The following LRPPRC variants were observed in gnomAD, a reference collection of about 807,000 sequenced individuals.
LRPPRC encodes the protein leucine-rich PPR motif-containing protein, mitochondrial.
In LRPPRC, 120 loss-of-function variants were observed where a neutral mutation model predicts 180.3. The observed-to-expected ratio is 0.67, with a 90% CI of 0.57 to 0.77. The LOEUF (loss-of-function observed/expected upper bound fraction) is 0.77. Ranked by LOEUF, LRPPRC falls within the 30% of genes least tolerant of loss-of-function variation. The pLI is 0.00. For missense variants in LRPPRC, 2,012 were observed against 1,657.2 expected (o/e 1.21, Z -3.72); for synonymous variants, 723 against 600.0 (o/e 1.21, Z -3.00).
At chr2:43,959,674 G>A (rs948712768) in intron 13 of LRPPRC, among the ~76,000 whole-genome samples, 1 of 152,168 alleles carries the variant, frequency 6.6e-6, no homozygotes, top group Non-Finnish European at 1.5e-5. Context: ...GGAGGCTGAG[G>A]CAGGCGGATC....
intron 11 of LRPPRC, among the ~76,000 whole-genome samples, chr2:43,969,409 CAAAA>C (rs58376536): frequency 1.8e-5 from 2 of 113,112 alleles, no homozygotes; most frequent in Non-Finnish European, 1.9e-5. Context: ...GACTCCATCT[CAAAA>C]AAAAAAAAAA....
chr2:43,970,217 A>G (rs1160856145), intron 11 of LRPPRC, among the ~76,000 whole-genome samples: 5 of 152,210 alleles, frequency 3.3e-5, no homozygotes, highest in Non-Finnish European at 5.9e-5. Flanking sequence ...CATTTATCAG[A>G]AGGAGGAGTA....
intron 36 of LRPPRC, among the ~76,000 whole-genome samples, chr2:43,893,173 A>C (rs189254318): frequency 3.9e-5 from 6 of 152,344 alleles, no homozygotes; most frequent in Non-Finnish European, 5.9e-5. Context: ...TGACCAAAGA[A>C]AGTGGTTTCT....
rs545168845 is a variant in LRPPRC, at chr2:43,948,997, C to G, written c.1736-479G>C. 2.4e-3 allele frequency among the ~76,000 whole-genome samples: 366 copies of G among 152,162 alleles called. 1 individual carries two copies. Among genetic ancestry groups the G allele is most frequent in the Non-Finnish European group, 4.2e-3 (283 of 67,992 alleles). ...GCAGATACAGTAATCCTGTGGAGAG[C>G]TGCCTATTAGCCAATGAAAAACCAA... is the stretch of plus-strand genomic sequence containing the variant. On this transcript the variant is annotated intron_variant, in intron 16 of 37. Transcript: ENST00000260665.
At position 43,887,608 on chromosome 2, in the gene LRPPRC, T is replaced by G. The variant is rs1319523318; in HGVS notation, c.*992A>C. On this transcript the variant is annotated 3_prime_UTR_variant, in exon 38 of 38. Coordinates refer to ENST00000260665, the MANE Select transcript of LRPPRC (RefSeq NM_133259.4). The stretch of plus-strand genomic sequence containing the variant: ...AAAACATTTTCAACATTTCGGTAAT[T>G]AATTACCTCATCTCCAGTTAGGTCA... 6.6e-6 allele frequency: 1 copy of G among 152,194 alleles called. No individual in the cohort carries two copies. Among genetic ancestry groups the G allele is most frequent in the Non-Finnish European group, 1.5e-5 (1 of 68,024 alleles). 9.4% of individuals were successfully genotyped at this position (152,194 alleles called of 1,614,324 possible). A position where few individuals can be genotyped will look rare whatever the true frequency, so the allele number is the denominator to read the frequency against.
intron 34 of LRPPRC, among the ~76,000 whole-genome samples, chr2:43,898,863 T>C (rs550889482): frequency 6.6e-6 from 1 of 152,202 alleles, no homozygotes; most frequent in South Asian, 2.1e-4. Context: ...ATTTGAGAAA[T>C]TAAAGTAGAA....
Position 43,925,769 on chromosome 2 carries a change from C to T in LRPPRC, c.2805+124G>A, listed in dbSNP as rs78434094. Reference sequence around the variant, plus strand: ...AGCCATTGCTTATCTGGCAAATGATCGAGATAAACACTGCTTCCACAATGC... The same window carrying T: ...AGCCATTGCTTATCTGGCAAATGATTGAGATAAACACTGCTTCCACAATGC... On this transcript the variant is annotated intron_variant, in intron 26 of 37. Coordinates refer to ENST00000260665, the MANE Select transcript of LRPPRC (RefSeq NM_133259.4). 3.2e-3 allele frequency: 2,371 copies of T among 751,496 alleles called. 42 individuals are homozygous for T. In the African/African-American group the frequency reaches 0.035, roughly 11 times the overall value. The allele number at this position is 751,496 out of a possible 1,614,324, so 46.6% of individuals were successfully genotyped here. A position where few individuals can be genotyped will look rare whatever the true frequency, so the allele number is the denominator to read the frequency against.
chr2:43,988,408 T>C (rs1674627707), intron 1 of LRPPRC, among the ~76,000 whole-genome samples: 1 of 152,032 alleles, frequency 6.6e-6, no homozygotes, highest in Admixed American at 6.6e-5. Flanking sequence ...TGGTGGCGCA[T>C]GCCTATAATC....
Position 43,973,806 on chromosome 2 carries a change from G to A in LRPPRC, c.1250C>T (p.Ala417Val). The change falls in exon 10 of 38, where the codon GCC becomes GTC. Residue 417 changes from alanine (A) to valine (V), a missense_variant. Coordinates refer to ENST00000260665, the MANE Select transcript of LRPPRC (RefSeq NM_133259.4). ...LQFTLHCALL[A>V]NKTDLAKALM... ...TAAGAATGTAGTACCAGTTTTATTG[G>A]CGAGTAAAGCACAATGGAGGGTGAA... 1 of 1,613,012 alleles carries A rather than the reference G, an allele frequency of 6.2e-7. No homozygotes were observed. Among genetic ancestry groups the A allele is most frequent in the Non-Finnish European group, 8.5e-7 (1 of 1,179,030 alleles).
rs1446871004 is a variant in LRPPRC, at chr2:43,945,275, G to C, written c.2296+57C>G. ...GATATCCATTAATATCAATTCACAT[G>C]TTATTCCAGTGGCAAGATACTTGCA... On this transcript the variant is annotated intron_variant, in intron 22 of 37. Coordinates refer to ENST00000260665, the MANE Select transcript of LRPPRC (RefSeq NM_133259.4). 8 of 1,127,556 alleles carry C rather than the reference G, an allele frequency of 7.1e-6. 1 individual carries two copies. Among genetic ancestry groups the C allele is most frequent in the Non-Finnish European group, 1.1e-5 (8 of 737,020 alleles). The allele number at this position is 1,127,556 out of a possible 1,614,324, so 69.8% of individuals were successfully genotyped here. A position where few individuals can be genotyped will look rare whatever the true frequency, so the allele number is the denominator to read the frequency against.
rs754678956 is a variant in LRPPRC at position 43,963,708 on chromosome 2, T to TAC, written c.1370-4_1370-3dup. 12 of 1,431,980 alleles carry TAC rather than the reference T, an allele frequency of 8.4e-6. No homozygotes were observed. Among genetic ancestry groups the TAC allele is most frequent in the Admixed American group, 1.7e-5 (1 of 59,758 alleles). The allele number at this position is 1,431,980 out of a possible 1,614,324, so 88.7% of individuals were successfully genotyped here. ...TTCCTTTGAGGATTTCAATTATACC[T>TAC]ACCAAATAAAATGTAGAAGCACAGA... On this transcript the variant is annotated splice_polypyrimidine_tract_variant and splice_region_variant and intron_variant, in intron 11 of 37. Transcript: ENST00000260665.
chr2:43,984,274 A>G (rs948340498), intron 1 of LRPPRC, among the ~76,000 whole-genome samples: 36 of 152,196 alleles, frequency 2.4e-4, no homozygotes, highest in Admixed American at 2.0e-4. Context: ...AGAAATTTCA[A>G]AATTGTGAAG....
At chr2:43,963,840 A>G in intron 11 of LRPPRC, 134 bp from the exon 12 acceptor site, 1 of 729,288 alleles carries the variant, frequency 1.4e-6, no homozygotes, top group Non-Finnish European at 2.5e-6. Flanking sequence ...TCTAAAAGGC[A>G]GAAAAGAAAC....
chr2:43,889,610 G>A (rs1670409156), intron 37 of LRPPRC, 124 bp downstream of exon 37: 1 of 849,540 alleles, frequency 1.2e-6, no homozygotes, highest in South Asian at 1.4e-5. Flanking sequence ...GCCATCCCCT[G>A]AGGGCTCTTC....
chr2:43,911,149 GATATATATATAT>G (rs34332260), intron 30 of LRPPRC, among the ~76,000 whole-genome samples: 1 of 146,240 alleles, frequency 6.8e-6, no homozygotes, highest in South Asian at 2.2e-4. Flanking sequence ...GAGTGTTCTA[GATATATATATAT>G]ATATATATAA....
At chr2:43,900,384 TCTAA>T (rs1439302359) in intron 32 of LRPPRC, among the ~76,000 whole-genome samples, 2 of 152,258 alleles carry the variant, frequency 1.3e-5, no homozygotes, top group South Asian at 2.1e-4. Flanking sequence ...AACATAATTC[TCTAA>T]CTAAAAATGA....
intron 31 of LRPPRC, chr2:43,902,197 G>A (rs1310957892): frequency 2.0e-5 from 3 of 152,370 alleles, no homozygotes; most frequent in Middle Eastern, 3.4e-3. Context: ...GTAAGTTGAG[G>A]AGCATCAGTA....
chr2:43,906,282 T>C (rs966009907), intron 30 of LRPPRC, among the ~76,000 whole-genome samples: 2 of 152,250 alleles, frequency 1.3e-5, no homozygotes, highest in Non-Finnish European at 2.9e-5. Context: ...TTCTGCCATC[T>C]AGATTCATAC....
rs6721144 is a variant in LRPPRC, at chr2:43,977,408, G to C, written c.470-132C>G. The C allele has an allele frequency of 0.15, 104,811 of 684,328 alleles. 9,888 individuals carry two copies. The highest frequency in any genetic ancestry group is 0.34 in the African/African-American group (19,273 of 56,062). The allele number at this position is 684,328 out of a possible 1,614,324, so 42.4% of individuals were successfully genotyped here. On this transcript the variant is annotated intron_variant, in intron 3 of 37. Coordinates refer to ENST00000260665, the MANE Select transcript of LRPPRC (RefSeq NM_133259.4). ...TTTCACCCATCCATCTTGGCGCTCA[G>C]ACCTATCTACACAGATACTCTGTCA...
Sources: allele counts gnomAD v4.1 joint callset (sites outside exome capture counted in the v4.1 genomes callset), GRCh38; gene constraint gnomAD v4.1.1; transcripts MANE v1.5; gene names NCBI Gene and HGNC (gene_info 2026-07-23, HGNC 2026-07-21).